Variants in STARD13 observed in about 807,000 individuals in gnomAD.
The protein encoded by STARD13 is StAR related lipid transfer domain containing 13.
Under a neutral mutation model 106.4 loss-of-function variants are expected in STARD13, and 62 were observed. The observed-to-expected ratio is 0.58, with a 90% confidence interval of 0.48 to 0.72. The LOEUF (loss-of-function observed/expected upper bound fraction) is 0.72, where lower values mean the gene tolerates loss of function less well. Ranked by LOEUF, STARD13 falls within the 30% of genes least tolerant of loss-of-function variation. STARD13 has a pLI of 0.00. For synonymous variants in STARD13, 565 were observed against 553.0 expected (o/e 1.02, Z -0.31); for missense variants, 1,387 against 1,424.0 (o/e 0.97, Z 0.42).
the STARD13 span, among the ~76,000 whole-genome samples, chr13:33,646,404 G>A: frequency 4.5e-4 from 68 of 152,300 alleles, no homozygotes; most frequent in East Asian, 8.9e-3. Flanking sequence ...GGTAAGTGGC[G>A]GAGAGGACAC....
chr13:33,445,082 T>A, the STARD13 span, among the ~76,000 whole-genome samples: 1 of 152,194 alleles, frequency 6.6e-6, no homozygotes, highest in Non-Finnish European at 1.5e-5. Context: ...TGGGAGGCTA[T>A]GTCCCTTAGG....
the STARD13 span, among the ~76,000 whole-genome samples, chr13:33,657,881 G>A: frequency 1.3e-5 from 2 of 152,204 alleles, no homozygotes; most frequent in South Asian, 4.1e-4. Flanking sequence ...TCTATTTTAT[G>A]GTGTATAGTG....
At chr13:33,636,973 C>T in the STARD13 span, among the ~76,000 whole-genome samples, 1 of 152,148 alleles carries the variant, frequency 6.6e-6, no homozygotes, top group Admixed American at 6.5e-5. Flanking sequence ...CAGATTTTGC[C>T]TCCTTTTGGA....
the STARD13 span, among the ~76,000 whole-genome samples, chr13:33,405,579 A>G: frequency 1.3e-5 from 2 of 152,282 alleles, no homozygotes; most frequent in African/African-American, 4.8e-5. Flanking sequence ...ATGTATTTGC[A>G]GATAGACTGA....
At chr13:33,174,941 G>T (rs1884358269) in intron 1 of STARD13, among the ~76,000 whole-genome samples, 1 of 152,186 alleles carries the variant, frequency 6.6e-6, no homozygotes, top group East Asian at 1.9e-4. Context: ...GTGTGTGAAT[G>T]TGTGCTCATA....
intron 1 of STARD13, among the ~76,000 whole-genome samples, chr13:33,263,815 G>C (rs1332349003): frequency 2.0e-5 from 3 of 152,162 alleles, no homozygotes; most frequent in Admixed American, 2.0e-4. Context: ...CAGGAACCCA[G>C]CATTACTGAA....
At chr13:33,208,992 C>A (rs1164648832) in intron 1 of STARD13, among the ~76,000 whole-genome samples, 2 of 152,222 alleles carry the variant, frequency 1.3e-5, no homozygotes, top group Non-Finnish European at 1.5e-5. Context: ...CACACAGCTA[C>A]AAGACTACTG....
intron 1 of STARD13, among the ~76,000 whole-genome samples, chr13:33,247,734 G>A (rs535896823): frequency 1.2e-4 from 18 of 152,224 alleles, no homozygotes; most frequent in African/African-American, 2.9e-4. Flanking sequence ...TGCTGGAACC[G>A]TGATTCACTC....
chr13:33,587,448 G>C, the STARD13 span, among the ~76,000 whole-genome samples: 3 of 152,084 alleles, frequency 2.0e-5, no homozygotes, highest in Non-Finnish European at 4.4e-5. Flanking sequence ...GATTTAATAA[G>C]TTTCATCAAA....
the STARD13 span, among the ~76,000 whole-genome samples, chr13:33,650,818 C>T: frequency 2.0e-5 from 3 of 152,386 alleles, no homozygotes; most frequent in African/African-American, 7.2e-5. Flanking sequence ...AAAAGCTTAG[C>T]ATGAGCTCCA....
At chr13:33,597,330 C>T in the STARD13 span, among the ~76,000 whole-genome samples, 1 of 150,590 alleles carries the variant, frequency 6.6e-6, no homozygotes, top group African/African-American at 2.4e-5. Flanking sequence ...TTTATGTTTT[C>T]TTTTGAGAAA....
At chr13:33,508,345 G>A in the STARD13 span, among the ~76,000 whole-genome samples, 2 of 152,194 alleles carry the variant, frequency 1.3e-5, no homozygotes, top group African/African-American at 4.8e-5. Context: ...GAAGCTGCTG[G>A]TGGCTGTCTT....
chr13:33,285,342 C>T (rs1892000679), intron 1 of STARD13, 128 bp downstream of exon 1: 2 of 995,904 alleles, frequency 2.0e-6, no homozygotes, highest in Non-Finnish European at 3.0e-6. Context: ...TTCAAAGTTA[C>T]GGGTAGTGTG....
the STARD13 span, among the ~76,000 whole-genome samples, chr13:33,432,213 C>T: frequency 0.49 from 74,963 of 151,842 alleles, 19,518 homozygotes; most frequent in African/African-American, 0.67. Context: ...CACAGTCACT[C>T]GCGAGCTTTT....
At chr13:33,157,326 A>T (rs993588290) in intron 3 of STARD13, among the ~76,000 whole-genome samples, 1 of 152,192 alleles carries the variant, frequency 6.6e-6, no homozygotes, top group African/African-American at 2.4e-5. Context: ...AGTATTTATT[A>T]AAAAACACAA....
chr13:33,176,110 C>G (rs765917072), intron 1 of STARD13, among the ~76,000 whole-genome samples: 44 of 152,218 alleles, frequency 2.9e-4, no homozygotes, highest in Admixed American at 1.2e-3. Flanking sequence ...CTGACTCCCT[C>G]TGCAAGGCTT....
chr13:33,528,188 T>TATATATATAC, the STARD13 span, among the ~76,000 whole-genome samples: 6 of 137,752 alleles, frequency 4.4e-5, no homozygotes, highest in African/African-American at 1.8e-4. Context: ...TATATATATA[T>TATATATATAC]ACACACACAC....
chr13:33,380,401 C>T, the STARD13 span, among the ~76,000 whole-genome samples: 10 of 135,716 alleles, frequency 7.4e-5, no homozygotes, highest in South Asian at 9.7e-4. Context: ...GGCAACTGAG[C>T]GGGATTCTGT....
At chr13:33,665,239 C>G in the STARD13 span, among the ~76,000 whole-genome samples, 2 of 152,114 alleles carry the variant, frequency 1.3e-5, no homozygotes, top group African/African-American at 4.8e-5. Context: ...ACCTGAATCC[C>G]TTGACGTTTT....
Sources: gnomAD v4.1 joint callset for allele counts (sites outside exome capture counted in the v4.1 genomes callset) on GRCh38, gnomAD v4.1.1 for gene constraint, MANE v1.5 for transcripts, NCBI Gene and HGNC (gene_info 2026-07-23, HGNC 2026-07-21) for gene names.